Variants in KLHL1 observed in about 807,000 individuals in gnomAD.
The protein encoded by KLHL1 is kelch-like protein 1.
In KLHL1, 47 loss-of-function variants were observed where a neutral mutation model predicts 77.7. The ratio of observed to expected loss-of-function variants is 0.60; its 90% confidence interval spans 0.48 to 0.77. The LOEUF (loss-of-function observed/expected upper bound fraction) is 0.77, where lower values mean the gene tolerates loss of function less well. KLHL1 is among the 30% of genes least tolerant of loss of function. KLHL1 has a pLI of 0.00. For synonymous variants in KLHL1, 360 were observed against 325.2 expected, an observed-to-expected ratio of 1.11 and a Z score of -1.15; for missense variants, 925 against 910.8, an observed-to-expected ratio of 1.02 and a Z score of -0.20.
chr13:70,008,113 T>A (rs1202486912), intron 1 of KLHL1, among the ~76,000 whole-genome samples: 1 of 152,090 alleles, frequency 6.6e-6, no homozygotes, highest in Non-Finnish European at 1.5e-5. Flanking sequence ...CTGCAAATTT[T>A]TCAATTTCTA....
intron 7 of KLHL1, among the ~76,000 whole-genome samples, chr13:69,742,585 C>A (rs1339023525): frequency 6.6e-6 from 1 of 152,148 alleles, no homozygotes; most frequent in Non-Finnish European, 1.5e-5. Flanking sequence ...CTATATCAGT[C>A]AATGAATCAA....
At chr13:69,754,569 G>C (rs1465509481) in intron 7 of KLHL1, among the ~76,000 whole-genome samples, 1 of 151,924 alleles carries the variant, frequency 6.6e-6, no homozygotes, top group Non-Finnish European at 1.5e-5. Context: ...AGCTTTTTAA[G>C]AACAGGGCCT....
intron 1 of KLHL1, among the ~76,000 whole-genome samples, chr13:70,004,740 A>G (rs1885368152): frequency 6.6e-6 from 1 of 151,756 alleles, no homozygotes; most frequent in African/African-American, 2.4e-5. Flanking sequence ...TTTTTATTAC[A>G]CCCAAATAAC....
chr13:70,005,573 G>T (rs1274404416), intron 1 of KLHL1, among the ~76,000 whole-genome samples: 2 of 151,480 alleles, frequency 1.3e-5, no homozygotes, highest in African/African-American at 4.8e-5. Context: ...GTAGCCAAAA[G>T]ATTAGAAATC....
intron 4 of KLHL1, among the ~76,000 whole-genome samples, chr13:69,886,117 T>C (rs1881207558): frequency 1.3e-5 from 2 of 152,144 alleles, no homozygotes. Flanking sequence ...GTCTTATATG[T>C]ATGATATTAT....
intron 4 of KLHL1, among the ~76,000 whole-genome samples, chr13:69,922,088 C>G (rs989351761): frequency 6.6e-6 from 1 of 151,864 alleles, no homozygotes; most frequent in Non-Finnish European, 1.5e-5. Context: ...ACGACAGTGC[C>G]TGGCTAAGTT....
At chr13:69,981,876 TGATA>T (rs1489877437) in intron 1 of KLHL1, among the ~76,000 whole-genome samples, 1 of 151,952 alleles carries the variant, frequency 6.6e-6, no homozygotes, top group Non-Finnish European at 1.5e-5. Flanking sequence ...ACTGTAATTA[TGATA>T]GATAAACCAC....
chr13:69,788,667 T>TG (rs573844704), intron 7 of KLHL1, among the ~76,000 whole-genome samples: 1,444 of 110,942 alleles, frequency 0.013, 21 homozygotes, highest in African/African-American at 0.046. Flanking sequence ...ATAATAATAA[T>TG]AATAGAAAAT....
chr13:69,754,034 G>C (rs1566214945), intron 7 of KLHL1, among the ~76,000 whole-genome samples: 1 of 151,606 alleles, frequency 6.6e-6, no homozygotes, highest in Non-Finnish European at 1.5e-5. Context: ...AGAGATGGGG[G>C]TGTACCTTTG....
At chr13:70,045,239 A>C (rs1050589207) in intron 1 of KLHL1, among the ~76,000 whole-genome samples, 5 of 152,310 alleles carry the variant, frequency 3.3e-5, no homozygotes, top group East Asian at 1.9e-4. Context: ...ATCAGCAACA[A>C]AACAATCTAT....
intron 4 of KLHL1, among the ~76,000 whole-genome samples, chr13:69,930,082 T>C (rs974418982): frequency 3.3e-5 from 5 of 151,840 alleles, no homozygotes; most frequent in African/African-American, 1.2e-4. Flanking sequence ...CACATCTCTT[T>C]TGCCTAGGTT....
chr13:69,810,983 C>T (rs2138061915), intron 6 of KLHL1, among the ~76,000 whole-genome samples: 1 of 150,874 alleles, frequency 6.6e-6, no homozygotes, highest in African/African-American at 2.5e-5. Context: ...CATTAAGAAA[C>T]CTATCAAATA....
intron 6 of KLHL1, among the ~76,000 whole-genome samples, chr13:69,813,209 C>A (rs1464830798): frequency 6.6e-6 from 1 of 151,480 alleles, no homozygotes; most frequent in African/African-American, 2.4e-5. Flanking sequence ...TCATTCTCAG[C>A]AAACTATCGC....
At chr13:69,860,706 A>G (rs1880116234) in intron 5 of KLHL1, among the ~76,000 whole-genome samples, 1 of 151,762 alleles carries the variant, frequency 6.6e-6, no homozygotes, top group African/African-American at 2.4e-5. Context: ...TAAATCATGT[A>G]TCATTGTTTA....
chr13:69,881,950 G>A (rs1881010915), intron 5 of KLHL1, among the ~76,000 whole-genome samples: 1 of 152,028 alleles, frequency 6.6e-6, no homozygotes, highest in Non-Finnish European at 1.5e-5. Context: ...ATTATGATTA[G>A]GCTTTTTACA....
chr13:69,824,171 CA>C (rs1379052833), intron 6 of KLHL1, among the ~76,000 whole-genome samples: 1 of 151,926 alleles, frequency 6.6e-6, no homozygotes, highest in Non-Finnish European at 1.5e-5. Flanking sequence ...AATAAAAATA[CA>C]TCCTATAATT....
At chr13:69,805,479 T>A (rs967975054) in intron 6 of KLHL1, among the ~76,000 whole-genome samples, 3 of 151,840 alleles carry the variant, frequency 2.0e-5, no homozygotes, top group Non-Finnish European at 4.4e-5. Flanking sequence ...TAACTAAAAA[T>A]TTTTACCTTT....
intron 1 of KLHL1, among the ~76,000 whole-genome samples, chr13:70,065,121 G>A (rs1351970014): frequency 2.0e-5 from 3 of 152,024 alleles, no homozygotes; most frequent in African/African-American, 7.2e-5. Flanking sequence ...AGAGCCCCCA[G>A]GAACAGTGAT....
At chr13:69,943,353 C>T (rs781413447) in intron 3 of KLHL1, among the ~76,000 whole-genome samples, 24 of 152,010 alleles carry the variant, frequency 1.6e-4, no homozygotes, top group Non-Finnish European at 2.9e-4. Flanking sequence ...TTATGACTTT[C>T]ACTGAAAGTA....
Sources: allele counts gnomAD v4.1 joint callset (sites outside exome capture counted in the v4.1 genomes callset), GRCh38; gene constraint gnomAD v4.1.1; transcripts MANE v1.5; gene names NCBI Gene and HGNC (gene_info 2026-07-23, HGNC 2026-07-21).